LRRC4C: variants seen among roughly 807,000 people sequenced by gnomAD.
LRRC4C encodes leucine rich repeat containing 4C, also known as leucine-rich repeat-containing protein 4C.
Under a neutral mutation model 33.6 loss-of-function variants are expected in LRRC4C, and 5 were observed. That is an observed-to-expected ratio of 0.15 (90% CI 0.08 to 0.31). The LOEUF is 0.31. Among genes scored for constraint, LRRC4C ranks in the 10% least tolerant of loss-of-function variants. The probability of loss-of-function intolerance (pLI) is 1.00; values close to 1 mark genes in which losing one functional copy is unlikely to be tolerated. For synonymous variants in LRRC4C, 329 were observed against 302.0 expected (o/e 1.09, Z -0.93); for missense variants, 560 against 796.7 (o/e 0.70, Z 3.58).
intron 3 of LRRC4C, among the ~76,000 whole-genome samples, chr11:40,454,994 G>A (rs750965841): frequency 2.0e-4 from 31 of 152,074 alleles, no homozygotes; most frequent in African/African-American, 6.8e-4. Context: ...GGAGCAACAC[G>A]TCAGAAATAG....
intron 3 of LRRC4C, among the ~76,000 whole-genome samples, chr11:40,443,598 T>C (rs1403725103): frequency 2.0e-5 from 3 of 152,184 alleles, no homozygotes; most frequent in Non-Finnish European, 4.4e-5. Context: ...TAAAGTACCC[T>C]GAGGAGACAG....
At chr11:40,948,998 T>C (rs1198569783) in intron 1 of LRRC4C, among the ~76,000 whole-genome samples, 4 of 152,076 alleles carry the variant, frequency 2.6e-5, no homozygotes, top group Admixed American at 6.6e-5. Flanking sequence ...TGTAAGAGTG[T>C]TCCTATTTCT....
At chr11:40,116,616 A>G (rs1855455980) in intron 6 of LRRC4C, among the ~76,000 whole-genome samples, 1 of 152,186 alleles carries the variant, frequency 6.6e-6, no homozygotes, top group South Asian at 2.1e-4. Context: ...AATGTGGCCC[A>G]AATGCATGAG....
At chr11:40,124,174 C>T (rs1856033889) in intron 6 of LRRC4C, among the ~76,000 whole-genome samples, 1 of 152,052 alleles carries the variant, frequency 6.6e-6, no homozygotes, top group Admixed American at 6.6e-5. Flanking sequence ...GTAACAAATG[C>T]TGGTGAGGAT....
At chr11:40,609,200 T>A (rs1473244822) in intron 3 of LRRC4C, among the ~76,000 whole-genome samples, 1 of 151,998 alleles carries the variant, frequency 6.6e-6, no homozygotes, top group East Asian at 1.9e-4. Flanking sequence ...TTTAAGAAGA[T>A]TGAAATCATA....
At chr11:40,466,563 A>C (rs1952662515) in intron 3 of LRRC4C, among the ~76,000 whole-genome samples, 1 of 151,844 alleles carries the variant, frequency 6.6e-6, no homozygotes, top group Non-Finnish European at 1.5e-5. Context: ...TTTTCCTTTA[A>C]TTCTTATAGG....
chr11:40,867,740 A>G (rs909577246), intron 2 of LRRC4C, among the ~76,000 whole-genome samples: 2 of 152,206 alleles, frequency 1.3e-5, no homozygotes, highest in Non-Finnish European at 2.9e-5. Flanking sequence ...CTGAATTTAA[A>G]TTGGAGGCTA....
chr11:41,152,256 A>C (rs896769267), intron 1 of LRRC4C, among the ~76,000 whole-genome samples: 2 of 152,218 alleles, frequency 1.3e-5, no homozygotes, highest in African/African-American at 4.8e-5. Flanking sequence ...TTTACAGAGA[A>C]AGAACTGATG....
intron 1 of LRRC4C, among the ~76,000 whole-genome samples, chr11:41,230,753 A>T (rs1280935461): frequency 6.6e-6 from 1 of 152,056 alleles, no homozygotes; most frequent in Non-Finnish European, 1.5e-5. Context: ...AAAATTGACA[A>T]ATGGGATCTC....
At chr11:41,165,902 G>A (rs1368995969) in intron 1 of LRRC4C, among the ~76,000 whole-genome samples, 3 of 151,904 alleles carry the variant, frequency 2.0e-5, no homozygotes, top group East Asian at 1.9e-4. Flanking sequence ...ATGGTGGTGG[G>A]TGCCTGTAAT....
In LRRC4C at chr11:40,742,827, TA is replaced by T. The variant is rs1948225315; in HGVS notation, c.-406-94550del. On this transcript the variant is annotated intron_variant, in intron 2 of 6. Transcript: ENST00000528697. The stretch of plus-strand genomic sequence containing the variant: ...TGAGCCTCTTTGTAATGAGATAATA[TA>T]AAAACCACCATAATTATGGATTTTT... Among the ~76,000 whole-genome samples, 3 of 152,082 alleles carry T rather than the reference TA, an allele frequency of 2.0e-5. No individual in the cohort carries two copies. In the South Asian group the frequency reaches 6.2e-4, roughly 31 times the overall value.
chr11:40,670,529 A>AT (rs950521098), intron 2 of LRRC4C, among the ~76,000 whole-genome samples: 2 of 152,118 alleles, frequency 1.3e-5, no homozygotes, highest in African/African-American at 4.8e-5. Flanking sequence ...AACTTTGATC[A>AT]TTTTTTCCCA....
intron 3 of LRRC4C, among the ~76,000 whole-genome samples, chr11:40,398,344 T>A (rs1360855131): frequency 6.6e-6 from 1 of 152,058 alleles, no homozygotes; most frequent in Non-Finnish European, 1.5e-5. Flanking sequence ...AAATGTTATT[T>A]ATTAATAAAT....
intron 3 of LRRC4C, among the ~76,000 whole-genome samples, chr11:40,456,369 T>C (rs1436668299): frequency 6.6e-6 from 1 of 152,040 alleles, no homozygotes; most frequent in Non-Finnish European, 1.5e-5. Flanking sequence ...AATAAACATT[T>C]GAGTGGAGTC....
intron 3 of LRRC4C, among the ~76,000 whole-genome samples, chr11:40,542,324 C>T (rs1460913886): frequency 6.6e-6 from 1 of 151,994 alleles, no homozygotes; most frequent in African/African-American, 2.4e-5. Flanking sequence ...TTATGATTGG[C>T]TTCTGGACTA....
At chr11:40,910,731 G>A (rs1057043340) in intron 2 of LRRC4C, among the ~76,000 whole-genome samples, 1 of 152,190 alleles carries the variant, frequency 6.6e-6, no homozygotes, top group Non-Finnish European at 1.5e-5. Context: ...CCGAGCTTGA[G>A]CCGGAGCAAG....
intron 4 of LRRC4C, among the ~76,000 whole-genome samples, chr11:40,246,199 C>T (rs1292131311): frequency 2.0e-5 from 3 of 152,002 alleles, no homozygotes; most frequent in African/African-American, 7.3e-5. Context: ...GTCTTGAACT[C>T]CTGAAATCAG....
intron 2 of LRRC4C, among the ~76,000 whole-genome samples, chr11:40,897,667 C>A (rs189321577): frequency 6.6e-6 from 1 of 152,214 alleles, no homozygotes; most frequent in Non-Finnish European, 1.5e-5. Flanking sequence ...GAAGAAGGAA[C>A]ACTTCTGCTA....
At chr11:40,458,287 G>A (rs1440122) in intron 3 of LRRC4C, among the ~76,000 whole-genome samples, 5 of 152,002 alleles carry the variant, frequency 3.3e-5, no homozygotes, top group African/African-American at 9.7e-5. Flanking sequence ...TCATATATAC[G>A]TATAATCATA....
Sources: gnomAD v4.1 joint callset for allele counts (sites outside exome capture counted in the v4.1 genomes callset) on GRCh38, gnomAD v4.1.1 for gene constraint, MANE v1.5 for transcripts, NCBI Gene and HGNC (gene_info 2026-07-23, HGNC 2026-07-21) for gene names.